CLSTN2: variants seen among roughly 807,000 people sequenced by gnomAD.
CLSTN2 encodes the protein calsyntenin 2.
Under a neutral mutation model 101.2 loss-of-function variants are expected in CLSTN2, and 48 were observed. That is an observed-to-expected ratio of 0.47 (90% CI 0.38 to 0.60). The LOEUF is 0.60. Ranked by LOEUF, CLSTN2 falls within the 20% of genes least tolerant of loss-of-function variation. CLSTN2 has a pLI of 0.00. For missense variants in CLSTN2, 1,160 were observed against 1,238.2 expected, an observed-to-expected ratio of 0.94 and a Z score of 0.95; for synonymous variants, 481 against 463.6, an observed-to-expected ratio of 1.04 and a Z score of -0.48.
intron 2 of CLSTN2, among the ~76,000 whole-genome samples, chr3:140,211,531 CTGTGTGTGTG>C (rs60408720): frequency 4.9e-5 from 7 of 142,486 alleles, no homozygotes; most frequent in Admixed American, 4.2e-4. Flanking sequence ...GGATCAAAAT[CTGTGTGTGTG>C]TGTGTGTGTG....
chr3:140,037,775 T>C (rs1453373498), intron 1 of CLSTN2, among the ~76,000 whole-genome samples: 3 of 152,160 alleles, frequency 2.0e-5, no homozygotes, highest in Non-Finnish European at 2.9e-5. Flanking sequence ...CAGCTCCCAC[T>C]TGTAATTGAG....
At chr3:140,051,968 G>T (rs1016300625) in intron 1 of CLSTN2, among the ~76,000 whole-genome samples, 5 of 152,186 alleles carry the variant, frequency 3.3e-5, no homozygotes, top group Admixed American at 3.3e-4. Flanking sequence ...AGGCTGAGCT[G>T]CTGGTCTGGG....
intron 2 of CLSTN2, among the ~76,000 whole-genome samples, chr3:140,187,457 C>A (rs369137671): frequency 2.6e-4 from 40 of 152,334 alleles, no homozygotes; most frequent in African/African-American, 8.2e-4. Context: ...CTGGCCTACT[C>A]TTGCTCAGGA....
intron 2 of CLSTN2, among the ~76,000 whole-genome samples, chr3:140,389,311 C>T (rs1231970146): frequency 6.6e-6 from 1 of 152,164 alleles, no homozygotes; most frequent in East Asian, 1.9e-4. Context: ...CTGACAGGCC[C>T]CAGTGTGTGT....
At chr3:140,268,335 G>A (rs2086713689) in intron 2 of CLSTN2, among the ~76,000 whole-genome samples, 1 of 152,196 alleles carries the variant, frequency 6.6e-6, no homozygotes, top group South Asian at 2.1e-4. Flanking sequence ...TCGTCCAGCA[G>A]TACAACACCC....
chr3:140,511,007 C>T (rs1272740368), intron 8 of CLSTN2, among the ~76,000 whole-genome samples: 1 of 152,156 alleles, frequency 6.6e-6, no homozygotes, highest in Non-Finnish European at 1.5e-5. Context: ...GCTCTCCCTC[C>T]CCTTACTCTA....
chr3:140,464,837 G>T (rs1933648168), intron 7 of CLSTN2, among the ~76,000 whole-genome samples: 1 of 152,124 alleles, frequency 6.6e-6, no homozygotes, highest in South Asian at 2.1e-4. Flanking sequence ...GCTAAAAATG[G>T]TCCCCCAGAT....
intron 1 of CLSTN2, among the ~76,000 whole-genome samples, chr3:140,138,839 G>A (rs2009654397): frequency 6.6e-6 from 1 of 152,140 alleles, no homozygotes; most frequent in African/African-American, 2.4e-5. Flanking sequence ...TTGTTGTGAT[G>A]TCTCCAAATC....
At chr3:140,397,475 C>T (rs191657740) in intron 2 of CLSTN2, among the ~76,000 whole-genome samples, 16 of 152,226 alleles carry the variant, frequency 1.1e-4, no homozygotes, top group Admixed American at 3.3e-4. Flanking sequence ...GCTGCTGTAA[C>T]GAAATACCTT....
At chr3:140,198,300 C>A (rs1223615197) in intron 2 of CLSTN2, among the ~76,000 whole-genome samples, 1 of 152,170 alleles carries the variant, frequency 6.6e-6, no homozygotes, top group African/African-American at 2.4e-5. Flanking sequence ...TTTTGTCTTG[C>A]AGTGTAACAA....
chr3:140,514,906 ACT>A (rs768000190), intron 8 of CLSTN2, among the ~76,000 whole-genome samples: 1 of 151,786 alleles, frequency 6.6e-6, no homozygotes, highest in East Asian at 1.9e-4. Context: ...TTTAGGGAGG[ACT>A]CTCTCTTTCT....
At chr3:139,976,870 C>T (rs1003106914) in intron 1 of CLSTN2, among the ~76,000 whole-genome samples, 2 of 152,106 alleles carry the variant, frequency 1.3e-5, no homozygotes, top group African/African-American at 4.8e-5. Context: ...TGGCAAGAGA[C>T]CTACAACCGT....
chr3:140,235,538 C>T (rs926492851), intron 2 of CLSTN2, among the ~76,000 whole-genome samples: 11 of 152,172 alleles, frequency 7.2e-5, no homozygotes, highest in Admixed American at 4.6e-4. Context: ...GGGATCCTCC[C>T]GTGGGTCTGA....
intron 1 of CLSTN2, among the ~76,000 whole-genome samples, chr3:140,023,892 A>AG (rs1373427026): frequency 6.6e-6 from 1 of 152,202 alleles, no homozygotes; most frequent in African/African-American, 2.4e-5. Flanking sequence ...GTCTGGCACC[A>AG]GGCTACGGGG....
intron 1 of CLSTN2, among the ~76,000 whole-genome samples, chr3:140,164,729 C>G (rs1459714493): frequency 6.6e-6 from 1 of 152,138 alleles, no homozygotes; most frequent in Non-Finnish European, 1.5e-5. Flanking sequence ...TTTTCCTAGC[C>G]TTGCTCTTGG....
chr3:140,290,102 G>T (rs1272659219), intron 2 of CLSTN2, among the ~76,000 whole-genome samples: 3 of 151,706 alleles, frequency 2.0e-5, no homozygotes, highest in Non-Finnish European at 4.4e-5. Flanking sequence ...TTGCTAATAG[G>T]CATCAGAAAA....
intron 2 of CLSTN2, among the ~76,000 whole-genome samples, chr3:140,182,125 A>G (rs1031486487): frequency 5.3e-5 from 8 of 152,226 alleles, no homozygotes; most frequent in Non-Finnish European, 8.8e-5. Context: ...TTTTTGACAA[A>G]GAGGAAGCAA....
chr3:139,992,706 G>A (rs909821120), intron 1 of CLSTN2, among the ~76,000 whole-genome samples: 18 of 152,172 alleles, frequency 1.2e-4, no homozygotes, highest in Non-Finnish European at 2.2e-4. Context: ...ACATGGGAGT[G>A]TGAAACAAGA....
chr3:139,965,615 A>G (rs1444285749), intron 1 of CLSTN2, among the ~76,000 whole-genome samples: 1 of 152,220 alleles, frequency 6.6e-6, no homozygotes, highest in Non-Finnish European at 1.5e-5. Context: ...GCATTTTCTC[A>G]GAGGACGGGG....
Sources: allele counts gnomAD v4.1 joint callset (sites outside exome capture counted in the v4.1 genomes callset), GRCh38; gene constraint gnomAD v4.1.1; transcripts MANE v1.5; gene names NCBI Gene and HGNC (gene_info 2026-07-23, HGNC 2026-07-21).